Variants in ERBB4 observed in about 807,000 individuals in gnomAD.
The protein encoded by ERBB4 is erb-b2 receptor tyrosine kinase 4.
A neutral mutation model predicts 158.0 loss-of-function variants in ERBB4; 42 were observed. The ratio of observed to expected loss-of-function variants is 0.27; its 90% CI spans 0.21 to 0.34. The LOEUF is 0.34. ERBB4 is among the 10% of genes least tolerant of loss of function. ERBB4 has a pLI of 1.00. For synonymous variants in ERBB4, 583 were observed against 558.7 expected, an observed-to-expected ratio of 1.04 and a Z score of -0.61; for missense variants, 1,333 against 1,624.1, an observed-to-expected ratio of 0.82 and a Z score of 3.08.
intron 2 of ERBB4, among the ~76,000 whole-genome samples, chr2:212,055,484 A>G (rs1395423673): frequency 6.6e-6 from 1 of 152,242 alleles, no homozygotes; most frequent in Non-Finnish European, 1.5e-5. Context: ...AGCCCCCTCA[A>G]GTGGGTACCT....
intron 25 of ERBB4, among the ~76,000 whole-genome samples, chr2:211,404,602 T>C (rs2125361967): frequency 6.6e-6 from 1 of 152,058 alleles, no homozygotes; most frequent in Admixed American, 6.5e-5. Flanking sequence ...TAAAACACTT[T>C]TTTTTAACTT....
chr2:211,790,423 T>C (rs1252234783), intron 3 of ERBB4, among the ~76,000 whole-genome samples: 1 of 152,064 alleles, frequency 6.6e-6, no homozygotes, highest in East Asian at 1.9e-4. Flanking sequence ...GAACACAGTA[T>C]CCATCTCCAA....
rs566436834 is a variant in ERBB4 at position 211,950,491 on chromosome 2, T to C, written c.235-2875A>G. ...AGATATATCTGTCAAAATGGGAAAATATAACATTTTATTTAGTAATCTCTA... is the reference window on the plus strand; with the variant it reads ...AGATATATCTGTCAAAATGGGAAAACATAACATTTTATTTAGTAATCTCTA... On this transcript the variant is annotated intron_variant, in intron 2 of 27. Transcript: ENST00000342788. Among the ~76,000 whole-genome samples the C allele has an allele frequency of 3.3e-5, 5 of 152,234 alleles. No individual in the cohort carries two copies. In the South Asian group the frequency reaches 1.0e-3, roughly 32 times the overall value.
chr2:212,243,065 G>C (rs1025129687), intron 1 of ERBB4, among the ~76,000 whole-genome samples: 5 of 152,108 alleles, frequency 3.3e-5, no homozygotes, highest in Non-Finnish European at 5.9e-5. Flanking sequence ...TATTCCTAGA[G>C]AGCTCAAGTT....
chr2:212,355,048 A>G (rs2089414616), intron 1 of ERBB4, among the ~76,000 whole-genome samples: 2 of 152,166 alleles, frequency 1.3e-5, no homozygotes, highest in South Asian at 4.1e-4. Flanking sequence ...ATTATTGTCT[A>G]TTATATCTAT....
intron 1 of ERBB4, among the ~76,000 whole-genome samples, chr2:212,396,837 G>T (rs2091040038): frequency 6.6e-6 from 1 of 152,042 alleles, no homozygotes; most frequent in Non-Finnish European, 1.5e-5. Context: ...CACAGAGGAA[G>T]ATAAAGTTTA....
chr2:211,982,562 C>G lies in ERBB4; in HGVS notation c.235-34946G>C, dbSNP rs546905713. 1.1e-4 allele frequency among the ~76,000 whole-genome samples: 17 copies of G among 152,272 alleles called. No individual in the cohort carries two copies. In the South Asian group the frequency reaches 3.1e-3, roughly 28 times the overall value. ...GGAGAGCTAGAGCAAGACCGCACAG[C>G]CTTGCAAGCCACTGTCAGTAAAAAT... On this transcript the variant is annotated intron_variant, in intron 2 of 27. Coordinates refer to ENST00000342788, the MANE Select transcript of ERBB4 (RefSeq NM_005235.3).
intron 1 of ERBB4, among the ~76,000 whole-genome samples, chr2:212,500,845 T>C (rs879346083): frequency 4.6e-5 from 7 of 152,190 alleles, no homozygotes; most frequent in Non-Finnish European, 7.4e-5. Flanking sequence ...AGCAACCTGC[T>C]AATCTTAGAA....
chr2:211,837,964 GC>G (rs773237868), intron 3 of ERBB4, among the ~76,000 whole-genome samples: 5 of 151,994 alleles, frequency 3.3e-5, no homozygotes, highest in Non-Finnish European at 7.4e-5. Flanking sequence ...CATGGGAGGA[GC>G]TCTGTGGCCC....
At chr2:212,361,897 G>A (rs2089700217) in intron 1 of ERBB4, among the ~76,000 whole-genome samples, 2 of 151,620 alleles carry the variant, frequency 1.3e-5, no homozygotes, top group Admixed American at 1.3e-4. Flanking sequence ...AGGGTAACAA[G>A]GTTTCTAACT....
chr2:212,413,176 C>T (rs759350380), intron 1 of ERBB4, among the ~76,000 whole-genome samples: 2 of 118,216 alleles, frequency 1.7e-5, no homozygotes, highest in Non-Finnish European at 3.4e-5. Context: ...TTCGTAGAGA[C>T]GGGGTTTCAC....
chr2:212,009,169 G>C (rs2076326342), intron 2 of ERBB4, among the ~76,000 whole-genome samples: 1 of 151,876 alleles, frequency 6.6e-6, no homozygotes, highest in African/African-American at 2.4e-5. Flanking sequence ...CCCCCAAAAA[G>C]ATATTTCTAC....
In ERBB4 at chr2:212,505,463, A is replaced by G. The variant is rs1360175255; in HGVS notation, c.82+32986T>C. 1.6e-5 allele frequency among the ~76,000 whole-genome samples: 2 copies of G among 124,416 alleles called. 1 individual carries two copies. The highest frequency in any genetic ancestry group is 4.0e-5 in the Non-Finnish European group (2 of 49,406). The allele number at this position is 124,416 out of a possible 152,430, so 81.6% of individuals were successfully genotyped here. A position where few individuals can be genotyped will look rare whatever the true frequency, so the allele number is the denominator to read the frequency against. ...GAGGACACAATGAGGTCATATGTGT[A>G]AAAACTCTTTGTAAGCAGGAAAATG... is the stretch of plus-strand genomic sequence containing the variant. On this transcript the variant is annotated intron_variant, in intron 1 of 27. Transcript: ENST00000342788.
At chr2:211,594,953 T>A (rs1227504531) in intron 19 of ERBB4, among the ~76,000 whole-genome samples, 1 of 152,198 alleles carries the variant, frequency 6.6e-6, no homozygotes, top group African/African-American at 2.4e-5. Flanking sequence ...CATAAATATA[T>A]CCAATCTATA....
rs79719186 is a variant in ERBB4 at position 212,284,168 on chromosome 2, A to T, written c.83-159265T>A. 6.8e-3 allele frequency among the ~76,000 whole-genome samples: 1,028 copies of T among 152,254 alleles called. 26 individuals carry two copies. Among genetic ancestry groups the T allele is most frequent in the Admixed American group, 0.053 (805 of 15,272 alleles). ...ATTATCAACAGGTTCAGATAAGAAT[A>T]TAAGTTTTTCTCATGGGAGAAACTC... is the stretch of plus-strand genomic sequence containing the variant. On this transcript the variant is annotated intron_variant, in intron 1 of 27. Coordinates refer to ENST00000342788, the MANE Select transcript of ERBB4 (RefSeq NM_005235.3).
intron 5 of ERBB4, among the ~76,000 whole-genome samples, chr2:211,728,767 G>T (rs2074349074): frequency 6.6e-6 from 1 of 151,824 alleles, no homozygotes; most frequent in African/African-American, 2.4e-5. Flanking sequence ...ATCATAGACA[G>T]ATATGTCTAA....
At chr2:212,024,757 A>C (rs140736440) in intron 2 of ERBB4, among the ~76,000 whole-genome samples, 14 of 152,040 alleles carry the variant, frequency 9.2e-5, no homozygotes, top group Non-Finnish European at 1.8e-4. Flanking sequence ...CAAGTATTCA[A>C]ACAGAAAGGG....
intron 19 of ERBB4, among the ~76,000 whole-genome samples, chr2:211,618,227 T>C (rs1031694265): frequency 6.6e-6 from 1 of 152,144 alleles, no homozygotes; most frequent in Non-Finnish European, 1.5e-5. Context: ...TCTTGATTGA[T>C]GTTTTCAACT....
chr2:211,843,630 T>G (rs1441999948), intron 3 of ERBB4, among the ~76,000 whole-genome samples: 1 of 151,162 alleles, frequency 6.6e-6, no homozygotes, highest in Non-Finnish European at 1.5e-5. Context: ...CTAGACATCC[T>G]TAAGCTAGTT....
Sources: allele counts gnomAD v4.1 joint callset (sites outside exome capture counted in the v4.1 genomes callset), GRCh38; gene constraint gnomAD v4.1.1; transcripts MANE v1.5; gene names NCBI Gene and HGNC (gene_info 2026-07-23, HGNC 2026-07-21).